CFAP299: variants seen among roughly 807,000 people sequenced by gnomAD.
CFAP299 encodes the protein cilia- and flagella-associated protein 299.
CFAP299 carries 21 observed loss-of-function variants against 27.0 expected under a neutral mutation model. The observed-to-expected ratio is 0.78, with a 90% CI of 0.55 to 1.12. The LOEUF (loss-of-function observed/expected upper bound fraction) is 1.12, where lower values mean the gene tolerates loss of function less well. Among genes scored for constraint, CFAP299 ranks in the 50% most tolerant of loss-of-function variants. The pLI is 0.00. For missense variants in CFAP299, 310 were observed against 276.6 expected (o/e 1.12, Z -0.86); for synonymous variants, 104 against 98.1 (o/e 1.06, Z -0.36).
At chr4:80,475,326 A>ATAC (rs1259621711) in intron 2 of CFAP299, among the ~76,000 whole-genome samples, 4 of 152,164 alleles carry the variant, frequency 2.6e-5, no homozygotes. Context: ...CAGTTACCGG[A>ATAC]TACTGTAGTA....
chr4:80,938,243 G>T (rs115638746), intron 4 of CFAP299, among the ~76,000 whole-genome samples: 1 of 152,170 alleles, frequency 6.6e-6, no homozygotes, highest in Non-Finnish European at 1.5e-5. Flanking sequence ...AAAACGGGCC[G>T]TAAACAAAAG....
chr4:80,443,953 C>T (rs1258846498), intron 2 of CFAP299, among the ~76,000 whole-genome samples: 1 of 152,092 alleles, frequency 6.6e-6, no homozygotes, highest in Non-Finnish European at 1.5e-5. Flanking sequence ...AATAAAATAC[C>T]TAGGAATCCA....
chr4:80,791,711 G>C (rs990642655), intron 3 of CFAP299, among the ~76,000 whole-genome samples: 2 of 151,880 alleles, frequency 1.3e-5, no homozygotes, highest in African/African-American at 2.4e-5. Flanking sequence ...TAGGAACAAA[G>C]AGCAATGAGT....
intron 4 of CFAP299, among the ~76,000 whole-genome samples, chr4:80,919,535 C>T (rs567989575): frequency 1.3e-5 from 2 of 152,184 alleles, no homozygotes; most frequent in South Asian, 2.1e-4. Flanking sequence ...TTGAATTATC[C>T]ATTACTTAGA....
chr4:80,549,025 A>G (rs1285671095), intron 2 of CFAP299, among the ~76,000 whole-genome samples: 1 of 152,168 alleles, frequency 6.6e-6, no homozygotes, highest in Non-Finnish European at 1.5e-5. Context: ...CAAGCACTGT[A>G]TGCATAGTCA....
At chr4:80,677,393 T>G (rs533132733) in intron 3 of CFAP299, among the ~76,000 whole-genome samples, 1 of 152,120 alleles carries the variant, frequency 6.6e-6, no homozygotes, top group Admixed American at 6.5e-5. Context: ...AAGTTTTTCA[T>G]ATTTACTAAG....
At chr4:80,456,154 C>G (rs1729141689) in intron 2 of CFAP299, among the ~76,000 whole-genome samples, 1 of 152,058 alleles carries the variant, frequency 6.6e-6, no homozygotes, top group East Asian at 1.9e-4. Context: ...AAGCCAAACC[C>G]CATGCTTGGA....
rs767939798 is a variant in CFAP299 at position 80,489,300 on chromosome 4, C to T, written c.243-93793C>T. On this transcript the variant is annotated intron_variant, in intron 2 of 5. Transcript: ENST00000358105. The stretch of plus-strand genomic sequence containing the variant: ...TGCCATTGAAATGGCTGCAGCTTCT[C>T]ACGCATTACCTGATCTTGGTAAGCC... Among the ~76,000 whole-genome samples the T allele has an allele frequency of 5.3e-5, 8 of 152,260 alleles. No individual in the cohort carries two copies. In the East Asian group the frequency reaches 7.7e-4, roughly 15 times the overall value.
intron 3 of CFAP299, among the ~76,000 whole-genome samples, chr4:80,637,438 A>G (rs188086619): frequency 5.9e-5 from 9 of 152,338 alleles, no homozygotes; most frequent in East Asian, 5.8e-4. Context: ...CAATGGCAGC[A>G]TTTGTCTTTG....
intron 2 of CFAP299, among the ~76,000 whole-genome samples, chr4:80,429,643 C>A (rs1230662586): frequency 6.6e-6 from 1 of 152,048 alleles, no homozygotes; most frequent in East Asian, 1.9e-4. Context: ...ATATTAAGAA[C>A]ATGAGCATGC....
intron 2 of CFAP299, among the ~76,000 whole-genome samples, chr4:80,562,837 T>C (rs1235570463): frequency 6.6e-6 from 1 of 151,266 alleles, no homozygotes; most frequent in Non-Finnish European, 1.5e-5. Context: ...AGACTGAAAA[T>C]AAAGGCGTGG....
chr4:80,614,123 C>T (rs1486021), intron 3 of CFAP299, among the ~76,000 whole-genome samples: 142,630 of 152,230 alleles, frequency 0.94, 66,873 homozygotes, highest in East Asian at 1. Flanking sequence ...TTTCTGTATA[C>T]ATAACAAGTC....
upstream of CFAP299, among the ~76,000 whole-genome samples, chr4:80,335,248 A>G (rs1722075954): frequency 6.6e-6 from 1 of 152,228 alleles, no homozygotes; most frequent in African/African-American, 2.4e-5. Context: ...TGGGAATTTC[A>G]TAAATTGCTT....
intron 3 of CFAP299, among the ~76,000 whole-genome samples, chr4:80,825,119 A>C (rs1451189905): frequency 2.0e-5 from 3 of 152,016 alleles, no homozygotes; most frequent in Non-Finnish European, 4.4e-5. Flanking sequence ...AAATACAATA[A>C]CTGAAATAAA....
chr4:80,695,650 T>C (rs1332313985), intron 3 of CFAP299, among the ~76,000 whole-genome samples: 2 of 151,174 alleles, frequency 1.3e-5, no homozygotes, highest in African/African-American at 4.8e-5. Flanking sequence ...ATACTGAGGA[T>C]CTTATGATCT....
intron 3 of CFAP299, among the ~76,000 whole-genome samples, chr4:80,618,908 A>G (rs1738435951): frequency 6.6e-6 from 1 of 152,092 alleles, no homozygotes; most frequent in Non-Finnish European, 1.5e-5. Flanking sequence ...TAAAATAAAA[A>G]CTTTGTTTAA....
At chr4:80,851,748 T>G (rs970202546) in intron 3 of CFAP299, among the ~76,000 whole-genome samples, 2 of 152,130 alleles carry the variant, frequency 1.3e-5, no homozygotes. Context: ...TTCAGGGATA[T>G]TCAATTCAGC....
At chr4:80,340,044 G>T (rs1052769268) in intron 1 of CFAP299, among the ~76,000 whole-genome samples, 3 of 152,194 alleles carry the variant, frequency 2.0e-5, no homozygotes, top group African/African-American at 7.2e-5. Flanking sequence ...GGCCAAGATG[G>T]CTGACTAGAA....
chr4:80,687,855 G>A lies in CFAP299; in HGVS notation c.333+104672G>A, dbSNP rs368290831. Among the ~76,000 whole-genome samples, 35 of 152,342 alleles carry A rather than the reference G, an allele frequency of 2.3e-4. No individual in the cohort carries two copies. In the South Asian group the frequency reaches 6.4e-3, roughly 28 times the overall value. The stretch of plus-strand genomic sequence containing the variant: ...CGCACCGTGCGCAAGCCGAAGCAGG[G>A]CGAGGCATTGCCTCACTGGGGAAGC... On this transcript the variant is annotated intron_variant, in intron 3 of 5. Transcript: ENST00000358105.
Sources: allele counts gnomAD v4.1 joint callset (sites outside exome capture counted in the v4.1 genomes callset), GRCh38; gene constraint gnomAD v4.1.1; transcripts MANE v1.5; gene names NCBI Gene and HGNC (gene_info 2026-07-23, HGNC 2026-07-21).